The following CAPN13 variants were observed in gnomAD, a reference collection of about 807,000 sequenced individuals.
CAPN13 encodes calpain-13.
A neutral mutation model predicts 98.4 loss-of-function variants in CAPN13; 90 were observed. That is an observed-to-expected ratio of 0.92 (90% CI 0.77 to 1.09). The LOEUF (loss-of-function observed/expected upper bound fraction) is 1.09. CAPN13 is among the 50% of genes least tolerant of loss of function. The pLI is 0.00. For synonymous variants in CAPN13, 330 were observed against 305.5 expected (o/e 1.08, Z -0.84); for missense variants, 887 against 841.3 (o/e 1.05, Z -0.67).
chr2:30,796,253 C>CACATATATAT (rs1290664412), intron 1 of CAPN13, among the ~76,000 whole-genome samples: 20 of 137,698 alleles, frequency 1.5e-4, no homozygotes, highest in African/African-American at 6.2e-4. Context: ...TATATATATA[C>CACATATATAT]GTATATATAT....
At chr2:30,800,736 G>T (rs17010329) in intron 1 of CAPN13, among the ~76,000 whole-genome samples, 1 of 152,098 alleles carries the variant, frequency 6.6e-6, no homozygotes, top group South Asian at 2.1e-4. Context: ...ATTAAGTTTA[G>T]GTTTGTGCCA....
At chr2:30,742,058 G>A in intron 14 of CAPN13, 94 bp from the exon 15 acceptor site, 1 of 1,195,820 alleles carries the variant, frequency 8.4e-7, no homozygotes, top group Non-Finnish European at 1.2e-6. Context: ...GCCAAGATCT[G>A]AGAAAGAGTC....
chr2:30,794,551 T>G (rs1254310631), intron 1 of CAPN13, among the ~76,000 whole-genome samples: 1 of 151,866 alleles, frequency 6.6e-6, no homozygotes, highest in East Asian at 1.9e-4. Context: ...TCCTAGGAAT[T>G]TACCCAAGAG....
intron 12 of CAPN13, among the ~76,000 whole-genome samples, chr2:30,745,017 CAGG>C (rs1368335867): frequency 2.6e-5 from 4 of 152,172 alleles, no homozygotes; most frequent in Non-Finnish European, 5.9e-5. Context: ...CTGTCACAGG[CAGG>C]CTCCCCTGGA....
At chr2:30,782,796 T>C (rs1674059801) in intron 2 of CAPN13, among the ~76,000 whole-genome samples, 1 of 152,242 alleles carries the variant, frequency 6.6e-6, no homozygotes, top group African/African-American at 2.4e-5. Context: ...AATTTCAGTT[T>C]ATCTGACAAC....
At chr2:30,771,515 C>T (rs969542275) in intron 4 of CAPN13, among the ~76,000 whole-genome samples, 1 of 152,220 alleles carries the variant, frequency 6.6e-6, no homozygotes, top group Non-Finnish European at 1.5e-5. Context: ...GTGGCAGGTT[C>T]TGCACAGCTG....
chr2:30,728,404 T>C (rs1400734189), intron 22 of CAPN13, among the ~76,000 whole-genome samples: 1 of 151,960 alleles, frequency 6.6e-6, no homozygotes, highest in African/African-American at 2.4e-5. Flanking sequence ...GGAGGGGTGA[T>C]ATGTGAGTGA....
chr2:30,765,688 C>T lies in CAPN13; in HGVS notation c.525-1382G>A, dbSNP rs369445415. Among the ~76,000 whole-genome samples the T allele has an allele frequency of 7.9e-5, 12 of 152,308 alleles. No homozygotes were observed. The East Asian group carries it at 2.1e-3, about 27-fold the overall frequency. ...TCTTCCTGGGGATCACACAGAATTC[C>T]AGTAGATTCACTTCAGCAAATGCGT... On this transcript the variant is annotated intron_variant, in intron 5 of 22. Coordinates refer to ENST00000295055, the MANE Select transcript of CAPN13 (RefSeq NM_144575.3).
intron 13 of CAPN13, among the ~76,000 whole-genome samples, chr2:30,742,757 G>A (rs945020345): frequency 1.4e-4 from 21 of 152,172 alleles, no homozygotes; most frequent in African/African-American, 4.3e-4. Context: ...TCTGTCTTGG[G>A]CCCAAGAGGA....
intron 17 of CAPN13, chr2:30,736,777 G>C: frequency 1.7e-6 from 1 of 587,570 alleles, no homozygotes. Flanking sequence ...TGGGCAATTG[G>C]AAGAAGGAAG....
At chr2:30,791,006 T>G (rs1674581656) in intron 1 of CAPN13, among the ~76,000 whole-genome samples, 1 of 152,120 alleles carries the variant, frequency 6.6e-6, no homozygotes, top group African/African-American at 2.4e-5. Flanking sequence ...TACAATCATG[T>G]TGGGGGTTAG....
intron 1 of CAPN13, among the ~76,000 whole-genome samples, chr2:30,790,146 T>C (rs1431922229): frequency 6.6e-6 from 1 of 152,232 alleles, no homozygotes; most frequent in African/African-American, 2.4e-5. Context: ...TGTAGGCTCA[T>C]GTTCTCAGGA....
At chr2:30,801,316 AAAC>A (rs990338275) in intron 1 of CAPN13, among the ~76,000 whole-genome samples, 1 of 152,296 alleles carries the variant, frequency 6.6e-6, no homozygotes, top group African/African-American at 2.4e-5. Flanking sequence ...GGACAAAGAC[AAAC>A]AGAAAATGGA....
chr2:30,800,518 C>T (rs1352633954), intron 1 of CAPN13, among the ~76,000 whole-genome samples: 1 of 152,194 alleles, frequency 6.6e-6, no homozygotes, highest in Non-Finnish European at 1.5e-5. Flanking sequence ...TGAAGCTCCA[C>T]TAAACTCTAT....
At chr2:30,796,600 A>G (rs1056568255) in intron 1 of CAPN13, among the ~76,000 whole-genome samples, 1 of 152,204 alleles carries the variant, frequency 6.6e-6, no homozygotes, top group Non-Finnish European at 1.5e-5. Context: ...AAGAGCAATT[A>G]ACCAAGCAGA....
intron 5 of CAPN13, among the ~76,000 whole-genome samples, chr2:30,770,076 C>T (rs945148595): frequency 1.3e-5 from 2 of 152,174 alleles, no homozygotes; most frequent in Admixed American, 1.3e-4. Flanking sequence ...ACCAGCCTTG[C>T]AATAATATCA....
At chr2:30,740,942 T>C (rs1273016743) in intron 15 of CAPN13, among the ~76,000 whole-genome samples, 2 of 152,144 alleles carry the variant, frequency 1.3e-5, no homozygotes, top group Non-Finnish European at 2.9e-5. Flanking sequence ...TCAATAGAAA[T>C]GACTGAGCAC....
chr2:30,753,041 C>A lies in CAPN13; in HGVS notation c.1087+12G>T. ...TCCAGTTGGGCAGTGTGACCACCAG[C>A]GTCATGATTACCTGCAGTGTTTCCT... On this transcript the variant is annotated intron_variant, in intron 10 of 22. Coordinates refer to ENST00000295055, the MANE Select transcript of CAPN13 (RefSeq NM_144575.3). 6.2e-7 allele frequency: 1 copy of A among 1,613,500 alleles called. No homozygotes were observed. The highest frequency in any genetic ancestry group is 8.5e-7 in the Non-Finnish European group (1 of 1,179,636).
At chr2:30,773,799 T>C (rs1673534153) in intron 4 of CAPN13, among the ~76,000 whole-genome samples, 1 of 151,990 alleles carries the variant, frequency 6.6e-6, no homozygotes, top group African/African-American at 2.4e-5. Context: ...AGACAAAAAA[T>C]AAGTAAAGAT....
Sources: allele counts gnomAD v4.1 joint callset (sites outside exome capture counted in the v4.1 genomes callset), GRCh38; gene constraint gnomAD v4.1.1; transcripts MANE v1.5; gene names NCBI Gene and HGNC (gene_info 2026-07-23, HGNC 2026-07-21).